The following SFI1 variants were observed in gnomAD, a reference collection of about 807,000 sequenced individuals.
The protein encoded by SFI1 is SFI1 centrin binding protein, also known as protein SFI1 homolog.
SFI1 carries 195 observed loss-of-function variants against 207.5 expected under a neutral mutation model. The ratio of observed to expected loss-of-function variants is 0.94; its 90% CI spans 0.84 to 1.06. The LOEUF (loss-of-function observed/expected upper bound fraction) is 1.06. Among genes scored for constraint, SFI1 ranks in the 50% least tolerant of loss-of-function variants. The pLI is 0.00. For missense variants in SFI1, 1,634 were observed against 1,588.0 expected (o/e 1.03, Z -0.49); for synonymous variants, 630 against 598.9 (o/e 1.05, Z -0.76).
intron 2 of SFI1, among the ~76,000 whole-genome samples, chr22:31,512,868 A>G (rs1319645857): frequency 1.3e-5 from 2 of 151,930 alleles, no homozygotes; most frequent in African/African-American, 4.8e-5. Context: ...TTGTATTTTT[A>G]GTAGAGAGGG....
chr22:31,545,589 T>A (rs13053603), intron 4 of SFI1, among the ~76,000 whole-genome samples: 235 of 119,116 alleles, frequency 2.0e-3, no homozygotes, highest in Middle Eastern at 4.6e-3. Flanking sequence ...AATTTAATTT[T>A]ATTTTATTTT....
chr22:31,579,975 C>T (rs1037625007), intron 11 of SFI1: 6 of 250,016 alleles, frequency 2.4e-5, no homozygotes, highest in African/African-American at 1.3e-4. Flanking sequence ...GTAGAATTGT[C>T]ATGTGGGTCA....
chr22:31,573,288 G>A, intron 9 of SFI1, 74 bp downstream of exon 9: 1 of 1,478,400 alleles, frequency 6.8e-7, no homozygotes, highest in East Asian at 2.3e-5. Flanking sequence ...CAGTGGTACT[G>A]TACTAAGAAG....
chr22:31,506,070 GAC>G (rs1269372717), intron 1 of SFI1, among the ~76,000 whole-genome samples: 1 of 147,824 alleles, frequency 6.8e-6, no homozygotes, highest in Non-Finnish European at 1.5e-5. Context: ...TTTTTTCTGA[GAC>G]AGAGTCTTGC....
At chr22:31,604,609 TG>T (rs1397549071) in intron 19 of SFI1, 2 of 596,498 alleles carry the variant, frequency 3.4e-6, no homozygotes, top group African/African-American at 3.8e-5. Flanking sequence ...GTGCTGTCTG[TG>T]GGTACTAGCC....
At chr22:31,559,817 C>T (rs970200936) in intron 7 of SFI1, 7 of 701,766 alleles carry the variant, frequency 1.0e-5, no homozygotes, top group Admixed American at 1.8e-5. Flanking sequence ...AGATGTGGAG[C>T]GACTGAAGAA....
At position 31,554,881 on chromosome 22, in the gene SFI1, A is replaced by G. The variant is rs1016393590; in HGVS notation, c.545-2061A>G. Among the ~76,000 whole-genome samples the G allele has an allele frequency of 4.6e-5, 7 of 152,132 alleles. No individual in the cohort carries two copies. In the East Asian group the frequency reaches 1.3e-3, roughly 29 times the overall value. ...GTTATATTTCTGTTTTCATTCAGTA[A>G]AAACTTGTTTTCTGATTTTCCCTGA... On this transcript the variant is annotated intron_variant, in intron 6 of 32. Coordinates refer to ENST00000400288, the MANE Select transcript of SFI1 (RefSeq NM_001007467.3).
intron 15 of SFI1, among the ~76,000 whole-genome samples, chr22:31,590,027 C>T (rs577855789): frequency 4.4e-4 from 66 of 151,648 alleles, no homozygotes; most frequent in African/African-American, 1.6e-3. Context: ...CAAGGGGCCT[C>T]GAGGTGTAAA....
intron 28 of SFI1, 81 bp downstream of exon 28, chr22:31,614,941 C>T (rs2071134249): frequency 6.3e-7 from 1 of 1,581,202 alleles, no homozygotes; most frequent in South Asian, 1.1e-5. Flanking sequence ...CCATGTGGGG[C>T]CTGTGTTTTG....
At chr22:31,565,999 A>G (rs1397287949) in intron 8 of SFI1, among the ~76,000 whole-genome samples, 2 of 151,364 alleles carry the variant, frequency 1.3e-5, no homozygotes, top group Non-Finnish European at 2.9e-5. Context: ...AGATCTATTA[A>G]CTGTGTATAT....
rs576995599 is a variant in SFI1 at position 31,547,298 on chromosome 22, TTTTG to T, written c.449+343_449+346del. On this transcript the variant is annotated intron_variant, in intron 5 of 32. Transcript: ENST00000400288. ...TCTCATTCTGAAAGTATTCTGGGTT[TTTTG>T]TTTGTTTGTTTGTTTTGTTTTGTTT... Among the ~76,000 whole-genome samples the T allele has an allele frequency of 6.6e-4, 100 of 152,230 alleles. No homozygotes were observed. The South Asian group carries it at 0.011, about 17-fold the overall frequency.
intron 5 of SFI1, among the ~76,000 whole-genome samples, chr22:31,549,381 G>A (rs116436076): frequency 0.011 from 1,625 of 148,462 alleles, 32 homozygotes; most frequent in African/African-American, 0.038. Context: ...ACAGAGTCTC[G>A]GTGTCACCCG....
intron 8 of SFI1, among the ~76,000 whole-genome samples, chr22:31,567,965 T>C (rs2062498757): frequency 1.3e-5 from 2 of 152,120 alleles, no homozygotes; most frequent in South Asian, 4.1e-4. Flanking sequence ...GTAAAACAAG[T>C]GTTATTGTTG....
intron 7 of SFI1, among the ~76,000 whole-genome samples, chr22:31,557,709 T>G (rs948001561): frequency 6.6e-6 from 1 of 152,198 alleles, no homozygotes; most frequent in Non-Finnish European, 1.5e-5. Flanking sequence ...ATTGTACAGA[T>G]TAAGATGTAC....
rs559175328 is a variant in SFI1 at position 31,596,210 on chromosome 22, G to A, written c.1545-6002G>A. ...AGAGGCTACAGTGAGTTGAGATGGC[G>A]CCACTGCACTCCAGCCTTGGATGAC... On this transcript the variant is annotated intron_variant, in intron 15 of 32. Transcript: ENST00000400288. 4.7e-4 allele frequency among the ~76,000 whole-genome samples: 71 copies of A among 152,230 alleles called. 1 individual carries two copies. The highest frequency in any genetic ancestry group is 1.4e-3 in the African/African-American group (57 of 41,550).
intron 4 of SFI1, among the ~76,000 whole-genome samples, chr22:31,539,960 C>A (rs1316650475): frequency 1.3e-5 from 2 of 151,950 alleles, no homozygotes; most frequent in Non-Finnish European, 2.9e-5. Context: ...AGGTGATCTG[C>A]CTTACCTCGG....
chr22:31,561,448 A>G, intron 8 of SFI1, 56 bp downstream of exon 8: 2 of 1,479,904 alleles, frequency 1.4e-6, no homozygotes, highest in Non-Finnish European at 1.9e-6. Context: ...CAAGCCTCTC[A>G]CCCACAGAGG....
At position 31,618,170 on chromosome 22, in the gene SFI1, G is replaced by A; in HGVS notation, c.3568G>A (p.Glu1190Lys). The A allele has an allele frequency of 6.3e-7, 1 of 1,594,512 alleles. No individual in the cohort carries two copies. The highest frequency in any genetic ancestry group is 2.3e-5 in the East Asian group (1 of 44,188). Residue 1190 changes from glutamate (E) to lysine (K), a missense_variant, in exon 32 of 33, where the codon GAG (glutamate) becomes AAG (lysine). Glu to Lys is a moderately conservative substitution (Grantham distance 56). Transcript: ENST00000400288. ...LRRWLELNRE[E>K]PGPEDQEVEQ... Reference sequence around the variant, plus strand: ...CAGGTGGCTGGAGCTGAACAGAGAGGAGCCGGGGCCTGAGGACCAGGAAGT... The same window carrying A: ...CAGGTGGCTGGAGCTGAACAGAGAGAAGCCGGGGCCTGAGGACCAGGAAGT...
intron 2 of SFI1, among the ~76,000 whole-genome samples, chr22:31,519,546 C>A (rs185200178): frequency 3.3e-5 from 5 of 152,068 alleles, no homozygotes; most frequent in African/African-American, 1.2e-4. Flanking sequence ...AAGCAATTCT[C>A]CTGCCTCAGC....
Sources: gnomAD v4.1 joint callset for allele counts (sites outside exome capture counted in the v4.1 genomes callset) on GRCh38, gnomAD v4.1.1 for gene constraint, MANE v1.5 for transcripts, NCBI Gene and HGNC (gene_info 2026-07-23, HGNC 2026-07-21) for gene names.